The following PCLO variants were observed in gnomAD, a reference collection of about 807,000 sequenced individuals.
The protein encoded by PCLO is piccolo presynaptic cytomatrix protein.
Under a neutral mutation model 427.5 loss-of-function variants are expected in PCLO, and 82 were observed. The ratio of observed to expected loss-of-function variants is 0.19; its 90% CI spans 0.16 to 0.23. PCLO has a LOEUF of 0.23. Among genes scored for constraint, PCLO ranks in the 10% least tolerant of loss-of-function variants. The pLI is 1.00. For missense variants in PCLO, 6,239 were observed against 6,115.9 expected (o/e 1.02, Z -0.67); for synonymous variants, 2,357 against 2,155.4 (o/e 1.09, Z -2.59).
chr7:82,901,764 A>G (rs549025137), intron 9 of PCLO, among the ~76,000 whole-genome samples: 2 of 152,326 alleles, frequency 1.3e-5, no homozygotes, highest in Non-Finnish European at 2.9e-5. Context: ...AAGTGGGCAA[A>G]GGATATGAAC....
At chr7:83,038,690 T>A (rs1459796722) in intron 3 of PCLO, among the ~76,000 whole-genome samples, 3 of 151,996 alleles carry the variant, frequency 2.0e-5, no homozygotes, top group Non-Finnish European at 4.4e-5. Flanking sequence ...CTAAAAACAT[T>A]CATTTGCAAG....
chr7:83,001,888 C>T (rs1787833203), intron 3 of PCLO, among the ~76,000 whole-genome samples: 1 of 151,964 alleles, frequency 6.6e-6, no homozygotes, highest in African/African-American at 2.4e-5. Context: ...AAGTATGTCA[C>T]AGGACTAAGT....
chr7:83,155,414 C>T lies in PCLO; in HGVS notation c.1227G>A (p.Lys409=), dbSNP rs895235328. The T allele has an allele frequency of 1.2e-6, 2 of 1,613,862 alleles. No homozygotes were observed. Among genetic ancestry groups the T allele is most frequent in the African/African-American group, 1.3e-5 (1 of 75,016 alleles). Residue 409 remains lysine (K), a synonymous_variant, in exon 2 of 25, where the codon AAG becomes AAA. Transcript: ENST00000333891. ...GTGTCCCCACCTGCTGGGTTGGAGG[C>T]TTTGCTGGCCCTGGCTGTTGAGCTG... ...KTPAQQPGPA[K]PPTQQVGTPK...
In PCLO at chr7:82,805,583, T is replaced by C. The variant is rs1461765053; in HGVS notation, c.14933+105A>G. The C allele has an allele frequency of 9.6e-6, 10 of 1,043,458 alleles. No homozygotes were observed. In the Admixed American group the frequency reaches 2.3e-4, roughly 24 times the overall value. 64.6% of individuals were successfully genotyped at this position (1,043,458 alleles called of 1,614,324 possible). On this transcript the variant is annotated intron_variant, in intron 21 of 24. Transcript: ENST00000333891. ...AACAGTTCAAGTGTCTCAGGGACAATGACTCAGAATTGGGTAATTATCCAG... is the reference window on the plus strand; with the variant it reads ...AACAGTTCAAGTGTCTCAGGGACAACGACTCAGAATTGGGTAATTATCCAG...
At chr7:83,070,785 T>C (rs10487656) in intron 3 of PCLO, among the ~76,000 whole-genome samples, 35,844 of 152,052 alleles carry the variant, frequency 0.24, 4,811 homozygotes, top group East Asian at 0.55. Flanking sequence ...TAAATGATGA[T>C]GGAATGAGAC....
chr7:82,891,525 A>T (rs1793765643), intron 9 of PCLO, among the ~76,000 whole-genome samples: 1 of 151,920 alleles, frequency 6.6e-6, no homozygotes, highest in Non-Finnish European at 1.5e-5. Flanking sequence ...AATACCCTTT[A>T]TTTCCTTCTC....
chr7:82,859,809 T>C (rs553547670), intron 10 of PCLO, among the ~76,000 whole-genome samples: 4 of 152,144 alleles, frequency 2.6e-5, no homozygotes, highest in African/African-American at 7.2e-5. Flanking sequence ...GTTGAGGAAA[T>C]GCTAAGAAAC....
chr7:83,097,212 A>T (rs1428540281), intron 3 of PCLO, among the ~76,000 whole-genome samples: 1 of 130,462 alleles, frequency 7.7e-6, no homozygotes, highest in Non-Finnish European at 1.6e-5. Flanking sequence ...TAAATTATAT[A>T]AATCTTTTTT....
intron 7 of PCLO, 42 bp from the exon 8 acceptor site, chr7:82,909,055 A>C (rs1026971194): frequency 1.9e-6 from 3 of 1,602,150 alleles, no homozygotes; most frequent in African/African-American, 1.3e-5. Flanking sequence ...AACGGCAAGT[A>C]ATACAGATGA....
intron 3 of PCLO, among the ~76,000 whole-genome samples, chr7:82,977,325 T>A (rs1396078665): frequency 6.6e-6 from 1 of 151,170 alleles, no homozygotes; most frequent in Non-Finnish European, 1.5e-5. Flanking sequence ...GTTCTGTGCT[T>A]TTTTTTTCCT....
At chr7:83,107,004 A>T (rs187461234) in intron 3 of PCLO, among the ~76,000 whole-genome samples, 1 of 152,264 alleles carries the variant, frequency 6.6e-6, no homozygotes, top group East Asian at 1.9e-4. Context: ...CTTATAGAAC[A>T]CTTAAGACCA....
chr7:83,028,143 A>G (rs984977748), intron 3 of PCLO, among the ~76,000 whole-genome samples: 12 of 152,178 alleles, frequency 7.9e-5, no homozygotes, highest in African/African-American at 2.2e-4. Context: ...AGGGTATTCA[A>G]TTAAGAAAAG....
intron 22 of PCLO, among the ~76,000 whole-genome samples, chr7:82,766,578 GGAGT>G (rs1790536174): frequency 6.6e-6 from 1 of 151,980 alleles, no homozygotes; most frequent in African/African-American, 2.4e-5. Context: ...CTTGCTATTT[GGAGT>G]CAATAGCAGT....
At position 82,952,030 on chromosome 7, in the gene PCLO, G is replaced by T. The variant is rs776199106; in HGVS notation, c.8923C>A (p.Gln2975Lys). The T allele has an allele frequency of 1.2e-6, 2 of 1,613,822 alleles. No homozygotes were observed. Among genetic ancestry groups the T allele is most frequent in the South Asian group, 2.2e-5 (2 of 91,092 alleles). Residue 2975 changes from glutamine (Q) to lysine (K), a missense_variant, in exon 5 of 25, where the codon CAG (glutamine) becomes AAG (lysine). Physicochemically the swap from Gln to Lys is moderately conservative, Grantham distance 53 (BLOSUM62 1). Around this residue, in one of 5 missense-constraint regions of PCLO, gnomAD observed 4,677 missense variants for 4,468.4 expected, o/e 1.05. Transcript: ENST00000333891. Reference sequence around the variant, plus strand: ...CCATATGGCCCTGATCGATCATACTGATAGTGGTCATCCCTATAACCAAAA... The same window carrying T: ...CCATATGGCCCTGATCGATCATACTTATAGTGGTCATCCCTATAACCAAAA... ...DRFGYRDDHY[Q>K]YDRSGPYGYR...
At chr7:82,874,460 C>T (rs1793320494) in intron 10 of PCLO, among the ~76,000 whole-genome samples, 1 of 152,106 alleles carries the variant, frequency 6.6e-6, no homozygotes, top group African/African-American at 2.4e-5. Context: ...AGAAGTTTCC[C>T]TTCGTCATGA....
At chr7:82,872,494 A>T (rs1360573682) in intron 10 of PCLO, among the ~76,000 whole-genome samples, 1 of 152,138 alleles carries the variant, frequency 6.6e-6, no homozygotes, top group East Asian at 1.9e-4. Flanking sequence ...TGACCCTGAC[A>T]AATGTAAAAA....
At chr7:82,791,197 T>C (rs1364224356) in intron 22 of PCLO, among the ~76,000 whole-genome samples, 4 of 146,820 alleles carry the variant, frequency 2.7e-5, no homozygotes, top group Admixed American at 1.4e-4. Flanking sequence ...GTTGTTGTTA[T>C]TGTTATTAAG....
intron 2 of PCLO, among the ~76,000 whole-genome samples, chr7:83,143,591 A>G (rs1791918549): frequency 6.6e-6 from 1 of 151,906 alleles, no homozygotes; most frequent in Non-Finnish European, 1.5e-5. Flanking sequence ...AAATCATTAC[A>G]AATAGGATCA....
chr7:83,129,775 T>C (rs1266470520), intron 3 of PCLO, among the ~76,000 whole-genome samples: 1 of 152,146 alleles, frequency 6.6e-6, no homozygotes, highest in African/African-American at 2.4e-5. Flanking sequence ...TTTAATTATA[T>C]GGAGAAATGT....
Sources: gnomAD v4.1 joint callset for allele counts (sites outside exome capture counted in the v4.1 genomes callset) on GRCh38, gnomAD v4.1.1 for gene constraint, gnomAD v4.1.1 regional missense constraint, MANE v1.5 for transcripts, NCBI Gene and HGNC (gene_info 2026-07-23, HGNC 2026-07-21) for gene names.